The following PARP4 variants were observed in gnomAD, a reference collection of about 807,000 sequenced individuals.
PARP4 encodes the protein poly(ADP-ribose) polymerase family member 4.
In PARP4, 120 loss-of-function variants were observed where a neutral mutation model predicts 187.7. The observed-to-expected ratio is 0.64, with a 90% CI of 0.55 to 0.74. The LOEUF (loss-of-function observed/expected upper bound fraction) is 0.74. Among genes scored for constraint, PARP4 ranks in the 30% least tolerant of loss-of-function variants. The probability of loss-of-function intolerance (pLI) is 0.00; values close to 1 mark genes in which losing one functional copy is unlikely to be tolerated. For missense variants in PARP4, 1,836 were observed against 2,070.5 expected, an observed-to-expected ratio of 0.89 and a Z score of 2.20; for synonymous variants, 654 against 740.9, an observed-to-expected ratio of 0.88 and a Z score of 1.90.
intron 1 of PARP4, among the ~76,000 whole-genome samples, chr13:24,509,821 C>T (rs1325879506): frequency 6.6e-6 from 1 of 152,036 alleles, no homozygotes; most frequent in African/African-American, 2.4e-5. Context: ...GTGCCTCAGC[C>T]TCCAAGTAGC....
intron 30 of PARP4, among the ~76,000 whole-genome samples, chr13:24,436,635 T>TATA (rs1317456876): frequency 3.3e-5 from 5 of 152,186 alleles, no homozygotes; most frequent in African/African-American, 1.2e-4. Flanking sequence ...TAAATGAACA[T>TATA]ATAATTATAC....
Position 24,455,614 on chromosome 13 carries a change from CTTTTTTTTTTTT to C in PARP4, c.2563-414_2563-403del, listed in dbSNP as rs1233823030. ...ATTTAACTACTATCATGTAAGTTTC[CTTTTTTTTTTTT>C]TTTTTTTTTGAGACAGGGTCTCCCT... On this transcript the variant is annotated intron_variant, in intron 21 of 33. Coordinates refer to ENST00000381989, the MANE Select transcript of PARP4 (RefSeq NM_006437.4). Among the ~76,000 whole-genome samples the C allele has an allele frequency of 2.5e-3, 296 of 116,288 alleles. 2 individuals carry two copies. The highest frequency in any genetic ancestry group is 8.9e-3 in the African/African-American group (271 of 30,512). 76.3% of individuals were successfully genotyped at this position (116,288 alleles called of 152,430 possible).
In PARP4 at chr13:24,452,597, G is replaced by C; in HGVS notation, c.2827-4C>G. The C allele has an allele frequency of 1.9e-6, 3 of 1,608,288 alleles. No homozygotes were observed. Among genetic ancestry groups the C allele is most frequent in the Non-Finnish European group, 1.7e-6 (2 of 1,176,752 alleles). ...TCCCCATGGTAGGTGTGGCAGACTG[G>C]AGGAAATGAAGTGAAAGATTATGTT... is the stretch of plus-strand genomic sequence containing the variant. On this transcript the variant is annotated splice_polypyrimidine_tract_variant and splice_region_variant and intron_variant, in intron 23 of 33. Coordinates refer to ENST00000381989, the MANE Select transcript of PARP4 (RefSeq NM_006437.4).
intron 18 of PARP4, chr13:24,459,532 T>TATAC: frequency 3.2e-6 from 1 of 315,822 alleles, no homozygotes; most frequent in Non-Finnish European, 5.7e-6. Context: ...TCTGTGTGTA[T>TATAC]ACACACACAC....
In PARP4 at chr13:24,422,469, A is replaced by G. The variant is rs186690869; in HGVS notation, c.4980-1155T>C. Among the ~76,000 whole-genome samples, 175 of 152,252 alleles carry G rather than the reference A, an allele frequency of 1.1e-3. 3 individuals carry two copies. In the East Asian group the frequency reaches 0.018, roughly 16 times the overall value. ...AATATTTTTACTGATTGGCCTCTAC[A>G]CTTTTTGGTTCACATTCCGCTAGCA... is the stretch of plus-strand genomic sequence containing the variant. On this transcript the variant is annotated intron_variant, in intron 33 of 33. Coordinates refer to ENST00000381989, the MANE Select transcript of PARP4 (RefSeq NM_006437.4).
At chr13:24,455,506 TCACACTATTCTAAGAGGA>T (rs1871787667) in intron 21 of PARP4, among the ~76,000 whole-genome samples, 1 of 135,412 alleles carries the variant, frequency 7.4e-6, no homozygotes, top group African/African-American at 2.7e-5. Context: ...TATATATATA[TCACACTATTCTAAGAGGA>T]ATATACATGC....
intron 30 of PARP4, 76 bp downstream of exon 30, chr13:24,441,770 T>C: frequency 2.2e-6 from 3 of 1,388,142 alleles, no homozygotes; most frequent in South Asian, 2.7e-5. Context: ...AAGGGAGCTA[T>C]TTTAGCAAAG....
intron 2 of PARP4, 55 bp from the exon 3 acceptor site, chr13:24,501,889 A>C (rs1869314100): frequency 9.8e-7 from 1 of 1,021,464 alleles, no homozygotes; most frequent in Admixed American, 2.0e-5. Context: ...CATTTAAATA[A>C]GATATTTGTA....
In PARP4 at chr13:24,456,439, T is replaced by C. The variant is rs1871855687; in HGVS notation, c.2464A>G (p.Ser822Gly). Residue 822 changes from serine (S) to glycine (G), a missense_variant, in exon 21 of 34, where the codon AGC (serine) becomes GGC (glycine). Transcript: ENST00000381989. ...GAAAATCCACTGCTGTCTAAGGAGCTGCCTTCCATGGTGCTAATGACAGCT... is the reference window on the plus strand; with the variant it reads ...GAAAATCCACTGCTGTCTAAGGAGCCGCCTTCCATGGTGCTAATGACAGCT... ...CKAVISTMEG[S>G]SLDSSGFSLH... 1 of 1,609,140 alleles carries C rather than the reference T, an allele frequency of 6.2e-7. No homozygotes were observed. The highest frequency in any genetic ancestry group is 1.3e-5 in the African/African-American group (1 of 74,854).
intron 28 of PARP4, 23 bp downstream of exon 28, chr13:24,443,627 T>A: frequency 6.6e-7 from 1 of 1,518,702 alleles, no homozygotes; most frequent in Non-Finnish European, 9.1e-7. Flanking sequence ...TGTCTAATCA[T>A]TTTTACAATG....
At chr13:24,488,763 C>G (rs779002937) in intron 10 of PARP4, among the ~76,000 whole-genome samples, 1 of 152,182 alleles carries the variant, frequency 6.6e-6, no homozygotes, top group Non-Finnish European at 1.5e-5. Context: ...TAATCACCAC[C>G]TCTAGTTCCA....
intron 33 of PARP4, among the ~76,000 whole-genome samples, chr13:24,422,267 A>T (rs1180924303): frequency 6.6e-6 from 1 of 152,238 alleles, no homozygotes; most frequent in Non-Finnish European, 1.5e-5. Context: ...TAACATGCTT[A>T]CTAGTCCCTA....
Position 24,452,414 on chromosome 13 carries a change from G to C in PARP4, c.3006C>G (p.Cys1002Trp). Residue 1002 changes from cysteine to tryptophan, a missense_variant, in exon 24 of 34, where the codon TGC becomes TGG. This residue lies in a region of PARP4 where 1,147 missense variants were observed against 1,214.2 expected (regional missense o/e 0.94). Coordinates refer to ENST00000381989, the MANE Select transcript of PARP4 (RefSeq NM_006437.4). ...AGCTCTCTGAGACTCACCCGATACCGCAGGCGAATAACCTGGTGTGCGGGC... is the reference window on the plus strand; with the variant it reads ...AGCTCTCTGAGACTCACCCGATACCCCAGGCGAATAACCTGGTGTGCGGGC... ...RSRPHTRLFA[C>W]GIGSTANRHV... 1 of 1,611,722 alleles carries C rather than the reference G, an allele frequency of 6.2e-7. No homozygotes were observed. Among genetic ancestry groups the C allele is most frequent in the Non-Finnish European group, 8.5e-7 (1 of 1,179,034 alleles).
intron 25 of PARP4, among the ~76,000 whole-genome samples, chr13:24,448,150 C>T (rs1871307063): frequency 1.3e-5 from 2 of 152,112 alleles, no homozygotes; most frequent in African/African-American, 4.8e-5. Flanking sequence ...GTCAGGGCTG[C>T]AGTGAGCCAA....
intron 9 of PARP4, among the ~76,000 whole-genome samples, chr13:24,491,563 T>C (rs1186862353): frequency 6.6e-6 from 1 of 152,240 alleles, no homozygotes; most frequent in African/African-American, 2.4e-5. Context: ...TTCCCAAACA[T>C]GCAAAATTTC....
chr13:24,477,124 A>C (rs935365845), intron 14 of PARP4, among the ~76,000 whole-genome samples: 1 of 152,204 alleles, frequency 6.6e-6, no homozygotes, highest in African/African-American at 2.4e-5. Flanking sequence ...GCTCAACTTC[A>C]GTGTGTTAAT....
chr13:24,446,366 C>T (rs1214697063), intron 27 of PARP4, among the ~76,000 whole-genome samples: 2 of 152,158 alleles, frequency 1.3e-5, no homozygotes, highest in Non-Finnish European at 2.9e-5. Context: ...AATGAAATTT[C>T]AACACAGGAA....
At position 24,474,318 on chromosome 13, in the gene PARP4, C is replaced by T. The variant is rs201998761; in HGVS notation, c.1914+1154G>A. 1.6e-3 allele frequency among the ~76,000 whole-genome samples: 228 copies of T among 139,274 alleles called. 1 individual carries two copies. Among genetic ancestry groups the T allele is most frequent in the African/African-American group, 3.1e-3 (121 of 39,276 alleles). 91.4% of individuals were successfully genotyped at this position (139,274 alleles called of 152,430 possible). A position where few individuals can be genotyped will look rare whatever the true frequency, so the allele number is the denominator to read the frequency against. On this transcript the variant is annotated intron_variant, in intron 15 of 33. Transcript: ENST00000381989. ...CAGGTCCCTTAACTGAATTGTCAATCGTCTCCTCTATGTGATGTGACGTTG... is the reference window on the plus strand; with the variant it reads ...CAGGTCCCTTAACTGAATTGTCAATTGTCTCCTCTATGTGATGTGACGTTG...
At chr13:24,481,421 G>C (rs534912316) in intron 12 of PARP4, among the ~76,000 whole-genome samples, 274 of 152,318 alleles carry the variant, frequency 1.8e-3, no homozygotes, top group African/African-American at 6.3e-3. Flanking sequence ...GGCTGGGCGT[G>C]GTGGCTCATG....
Sources: gnomAD v4.1 joint callset for allele counts (sites outside exome capture counted in the v4.1 genomes callset) on GRCh38, gnomAD v4.1.1 for gene constraint, gnomAD v4.1.1 regional missense constraint, MANE v1.5 for transcripts, NCBI Gene and HGNC (gene_info 2026-07-23, HGNC 2026-07-21) for gene names.